CLEC3A: variants seen among roughly 807,000 people sequenced by gnomAD.
The protein encoded by CLEC3A is C-type lectin domain family 3 member A, also known as C-type (calcium dependent, carbohydrate-recognition domain) lectin, superfamily member 1 (cartilage-derived).
CLEC3A carries 28 observed loss-of-function variants against 20.4 expected under a neutral mutation model. That is an observed-to-expected ratio of 1.37 (90% CI 1.02 to 1.88). The LOEUF is 1.88. Ranked by LOEUF, CLEC3A falls within the 40% of genes most tolerant of loss-of-function variation. CLEC3A has a pLI of 0.00. For synonymous variants in CLEC3A, 110 were observed against 88.1 expected, an observed-to-expected ratio of 1.25 and a Z score of -1.39; for missense variants, 357 against 240.4, an observed-to-expected ratio of 1.48 and a Z score of -3.21.
intron 1 of CLEC3A, 109 bp downstream of exon 1, chr16:78,022,850 C>T: frequency 5.4e-6 from 6 of 1,115,198 alleles, no homozygotes; most frequent in Non-Finnish European, 7.7e-6. Context: ...GGTGATGGCA[C>T]CATGCCATCA....
intron 1 of CLEC3A, 38 bp from the exon 2 acceptor site, chr16:78,028,069 C>G (rs974573068): frequency 3.0e-6 from 4 of 1,346,394 alleles, no homozygotes; most frequent in Non-Finnish European, 4.2e-6. Context: ...ATACGCTTTT[C>G]ATCCACCTAC....
At chr16:78,025,568 G>A (rs1848237105) in intron 1 of CLEC3A, among the ~76,000 whole-genome samples, 1 of 152,098 alleles carries the variant, frequency 6.6e-6, no homozygotes, top group Admixed American at 6.5e-5. Context: ...TGACTTTTGT[G>A]TTTCTACACT....
Position 78,031,413 on chromosome 16 carries a change from C to T in CLEC3A, c.*572C>T, listed in dbSNP as rs867973745. 1.3e-5 allele frequency: 2 copies of T among 152,096 alleles called. No individual in the cohort carries two copies. The highest frequency in any genetic ancestry group is 4.8e-5 in the African/African-American group (2 of 41,422). 9.4% of individuals were successfully genotyped at this position (152,096 alleles called of 1,614,324 possible). On this transcript the variant is annotated 3_prime_UTR_variant, in exon 3 of 3. Transcript: ENST00000299642. ...TGTCTGCCATATCAGAACACAAACC[C>T]CTGAAGAGGTTCTGATTTGATTTTT...
chr16:78,029,362 T>C (rs960148704), intron 2 of CLEC3A, among the ~76,000 whole-genome samples: 1 of 152,092 alleles, frequency 6.6e-6, no homozygotes, highest in African/African-American at 2.4e-5. Flanking sequence ...TAGAATTTAA[T>C]TGATTGATTG....
At chr16:78,025,307 A>C (rs2018798231) in intron 1 of CLEC3A, among the ~76,000 whole-genome samples, 1 of 152,142 alleles carries the variant, frequency 6.6e-6, no homozygotes, top group African/African-American at 2.4e-5. Flanking sequence ...ACTTAATCTG[A>C]TCTCTCCCAA....
chr16:78,029,929 G>C (rs955886499), intron 2 of CLEC3A, among the ~76,000 whole-genome samples: 1 of 151,958 alleles, frequency 6.6e-6, no homozygotes, highest in South Asian at 2.1e-4. Flanking sequence ...CGAGGCAGGC[G>C]GATCATGAGG....
intron 1 of CLEC3A, among the ~76,000 whole-genome samples, chr16:78,027,636 C>G (rs1272735600): frequency 6.6e-6 from 1 of 151,690 alleles, no homozygotes; most frequent in Non-Finnish European, 1.5e-5. Flanking sequence ...TTCCTTCTTT[C>G]CTTCATTCAT....
intron 1 of CLEC3A, among the ~76,000 whole-genome samples, chr16:78,025,648 G>T (rs915616259): frequency 6.6e-6 from 1 of 152,158 alleles, no homozygotes; most frequent in African/African-American, 2.4e-5. Flanking sequence ...AGCAACCGAA[G>T]AATTTAGCTT....
At chr16:78,029,450 C>A (rs1597153521) in intron 2 of CLEC3A, among the ~76,000 whole-genome samples, 1 of 152,114 alleles carries the variant, frequency 6.6e-6, no homozygotes, top group Non-Finnish European at 1.5e-5. Context: ...CTCACTGCAA[C>A]CTCTGCCTCC....
At chr16:78,029,085 C>T (rs1256796836) in intron 2 of CLEC3A, 1 of 453,844 alleles carries the variant, frequency 2.2e-6, no homozygotes, top group African/African-American at 2.0e-5. Context: ...TCCATTAATC[C>T]TCCAGCAACT....
chr16:78,024,895 C>T lies in CLEC3A; in HGVS notation c.115+2154C>T, dbSNP rs375187973. Among the ~76,000 whole-genome samples, 11 of 151,878 alleles carry T rather than the reference C, an allele frequency of 7.2e-5. No homozygotes were observed. The East Asian group carries it at 1.6e-3, about 22-fold the overall frequency. ...AGGCTGGAGTGCAGTGGTGTGATCT[C>T]GGCTCACTGCAACCTCTACCCACCA... is the stretch of plus-strand genomic sequence containing the variant. On this transcript the variant is annotated intron_variant, in intron 1 of 2. Transcript: ENST00000299642.
Position 78,030,847 on chromosome 16 carries a change from T to C in CLEC3A, c.*6T>C. 6.2e-7 allele frequency: 1 copy of C among 1,601,146 alleles called. No individual in the cohort carries two copies. The highest frequency in any genetic ancestry group is 1.3e-5 in the African/African-American group (1 of 74,672). ...AGTTCACCATCCCTCAATAGGTCTT[T>C]CTCCAATGTGTCCTCCAAGCAAGAT... On this transcript the variant is annotated 3_prime_UTR_variant, in exon 3 of 3. Transcript: ENST00000299642.
At position 78,022,589 on chromosome 16, in the gene CLEC3A, G is replaced by A. The variant is rs1025701405; in HGVS notation, c.-38G>A. The A allele has an allele frequency of 6.2e-7, 1 of 1,610,090 alleles. No individual in the cohort carries two copies. The highest frequency in any genetic ancestry group is 1.1e-5 in the South Asian group (1 of 90,490). On this transcript the variant is annotated 5_prime_UTR_variant, in exon 1 of 3. Coordinates refer to ENST00000299642, the MANE Select transcript of CLEC3A (RefSeq NM_005752.6). ...GTCTCCTTCCATAGCTGCTCTAAGG[G>A]GGCTGGCAACATGGCTCAGCAGGCT...
intron 1 of CLEC3A, among the ~76,000 whole-genome samples, chr16:78,027,261 G>A (rs1266277614): frequency 1.3e-5 from 2 of 151,962 alleles, no homozygotes; most frequent in Admixed American, 1.3e-4. Flanking sequence ...TATAAAATAT[G>A]GAATAAAATA....
intron 1 of CLEC3A, among the ~76,000 whole-genome samples, chr16:78,023,225 A>G (rs976249205): frequency 6.6e-6 from 1 of 152,202 alleles, no homozygotes; most frequent in African/African-American, 2.4e-5. Context: ...CTGTTTTGTC[A>G]TTAGTTATCA....
intron 2 of CLEC3A, among the ~76,000 whole-genome samples, chr16:78,030,131 C>G (rs1219803578): frequency 2.6e-5 from 3 of 117,386 alleles, no homozygotes; most frequent in Non-Finnish European, 4.9e-5. Context: ...CCAGCCTGGG[C>G]GACAGAGCGA....
intron 1 of CLEC3A, among the ~76,000 whole-genome samples, chr16:78,024,049 G>A (rs951407547): frequency 1.3e-5 from 2 of 152,186 alleles, no homozygotes; most frequent in East Asian, 1.9e-4. Context: ...GAGCCACCGC[G>A]CCCGGCTAGT....
chr16:78,024,165 G>A (rs11647117), intron 1 of CLEC3A, among the ~76,000 whole-genome samples: 1 of 152,084 alleles, frequency 6.6e-6, no homozygotes, highest in Non-Finnish European at 1.5e-5. Flanking sequence ...TGCTGAAGAT[G>A]GTATCGAAAG....
Position 78,030,953 on chromosome 16 carries a change from A to G in CLEC3A, c.*112A>G, listed in dbSNP as rs565682422. The G allele has an allele frequency of 1.3e-4, 154 of 1,202,110 alleles. 1 individual carries two copies. The South Asian group carries it at 2.3e-3, about 18-fold the overall frequency. The allele number at this position is 1,202,110 out of a possible 1,614,324, so 74.5% of individuals were successfully genotyped here. Reference sequence around the variant, plus strand: ...ACTTATTAAAAAATTGCAACACAAGATCAATGTCCATAGCAATATGATAGC... The same window carrying G: ...ACTTATTAAAAAATTGCAACACAAGGTCAATGTCCATAGCAATATGATAGC... On this transcript the variant is annotated 3_prime_UTR_variant, in exon 3 of 3. Coordinates refer to ENST00000299642, the MANE Select transcript of CLEC3A (RefSeq NM_005752.6).
Sources: gnomAD v4.1 joint callset for allele counts (sites outside exome capture counted in the v4.1 genomes callset) on GRCh38, gnomAD v4.1.1 for gene constraint, MANE v1.5 for transcripts, NCBI Gene and HGNC (gene_info 2026-07-23, HGNC 2026-07-21) for gene names.